Variants in CXADR observed in about 807,000 individuals in gnomAD.
CXADR encodes the protein coxsackievirus and adenovirus receptor.
In CXADR, 20 loss-of-function variants were observed where a neutral mutation model predicts 40.3. The observed-to-expected ratio is 0.50, with a 90% CI of 0.35 to 0.72. The LOEUF (loss-of-function observed/expected upper bound fraction) is 0.72, where lower values mean the gene tolerates loss of function less well. CXADR is among the 30% of genes least tolerant of loss of function. The pLI is 0.01. For missense variants in CXADR, 332 were observed against 449.1 expected (o/e 0.74, Z 2.36); for synonymous variants, 150 against 161.3 (o/e 0.93, Z 0.53).
chr21:17,583,422 A>G (rs2061374225), intron 7 of CXADR, among the ~76,000 whole-genome samples: 2 of 152,240 alleles, frequency 1.3e-5, no homozygotes, highest in Non-Finnish European at 1.5e-5. Context: ...TTAAATGTCT[A>G]TAGTAGTCAT....
In CXADR at chr21:17,539,518, G is replaced by C. The variant is rs186722413; in HGVS notation, c.44-7509G>C. 4.1e-4 allele frequency among the ~76,000 whole-genome samples: 62 copies of C among 152,132 alleles called. No homozygotes were observed. In the East Asian group the frequency reaches 0.011, roughly 28 times the overall value. ...CTCCTTCCACATTAGTCTGGATTAAGTAACTGGTATTATTCAACATTTACT... is the reference window on the plus strand; with the variant it reads ...CTCCTTCCACATTAGTCTGGATTAACTAACTGGTATTATTCAACATTTACT... On this transcript the variant is annotated intron_variant, in intron 1 of 6. Coordinates refer to ENST00000284878, the MANE Select transcript of CXADR (RefSeq NM_001338.5).
In CXADR at chr21:17,568,498, CTT is replaced by C. The variant is rs35193839; in HGVS notation, c.*2808_*2809del. 0.34 allele frequency: 327,807 copies of C among 975,196 alleles called. 56,798 individuals carry two copies. The highest frequency in any genetic ancestry group is 0.48 in the African/African-American group (27,151 of 56,300). The allele number at this position is 975,196 out of a possible 1,614,324, so 60.4% of individuals were successfully genotyped here. ...CTGAGAGACTTGATACCATCCATCT[CTT>C]TAGGTTACAGAGGATAATTTGAAGA... On this transcript the variant is annotated 3_prime_UTR_variant, in exon 7 of 7. Coordinates refer to ENST00000284878, the MANE Select transcript of CXADR (RefSeq NM_001338.5).
At chr21:17,517,230 T>G (rs2060473081) in intron 1 of CXADR, among the ~76,000 whole-genome samples, 2 of 152,318 alleles carry the variant, frequency 1.3e-5, no homozygotes, top group Admixed American at 1.3e-4. Flanking sequence ...TAAGCTTCTA[T>G]TAGACAGCAA....
intron 1 of CXADR, among the ~76,000 whole-genome samples, chr21:17,525,437 T>C (rs1412720242): frequency 6.6e-6 from 1 of 152,236 alleles, no homozygotes; most frequent in Non-Finnish European, 1.5e-5. Context: ...TCAAGGAATC[T>C]CAAGGGACAT....
At chr21:17,533,754 G>A (rs1322422220) in intron 1 of CXADR, among the ~76,000 whole-genome samples, 1 of 151,870 alleles carries the variant, frequency 6.6e-6, no homozygotes, top group Non-Finnish European at 1.5e-5. Context: ...TATTTCCTGG[G>A]GGCCTGCTTT....
chr21:17,550,084 C>T (rs1191630713), intron 2 of CXADR, among the ~76,000 whole-genome samples: 3 of 152,108 alleles, frequency 2.0e-5, no homozygotes, highest in Non-Finnish European at 4.4e-5. Flanking sequence ...TAGCTGGGCA[C>T]GGTAGCTCAT....
At chr21:17,602,813 A>G in the CXADR span, among the ~76,000 whole-genome samples, 1 of 152,250 alleles carries the variant, frequency 6.6e-6, no homozygotes, top group African/African-American at 2.4e-5. Flanking sequence ...TTTTATGTTC[A>G]GGTACTGAGA....
chr21:17,623,316 G>T, the CXADR span, among the ~76,000 whole-genome samples: 1 of 151,636 alleles, frequency 6.6e-6, no homozygotes, highest in Non-Finnish European at 1.5e-5. Flanking sequence ...TTTTTAATTC[G>T]ATTTTATTAT....
At chr21:17,603,121 TA>T in the CXADR span, among the ~76,000 whole-genome samples, 1 of 152,224 alleles carries the variant, frequency 6.6e-6, no homozygotes, top group Non-Finnish European at 1.5e-5. Context: ...GTGTGTTAAA[TA>T]GGAGCCAACT....
chr21:17,536,525 A>C (rs1273436386), intron 1 of CXADR, among the ~76,000 whole-genome samples: 2 of 151,880 alleles, frequency 1.3e-5, no homozygotes, highest in Non-Finnish European at 2.9e-5. Context: ...CTCTACTCTG[A>C]GCTCCCTCCT....
the CXADR span, chr21:17,598,598 G>A: frequency 6.2e-7 from 1 of 1,607,406 alleles, no homozygotes; most frequent in African/African-American, 1.3e-5. Context: ...CTTTAAAACT[G>A]AGCTGTTTTC....
At chr21:17,563,845 G>A (rs1469498014) in intron 6 of CXADR, among the ~76,000 whole-genome samples, 2 of 146,596 alleles carry the variant, frequency 1.4e-5, no homozygotes, top group East Asian at 4.1e-4. Flanking sequence ...GGAGGCTGAG[G>A]CAAGAGAATG....
chr21:17,526,984 G>A (rs1268189901), intron 1 of CXADR, among the ~76,000 whole-genome samples: 2 of 152,162 alleles, frequency 1.3e-5, no homozygotes, highest in African/African-American at 2.4e-5. Flanking sequence ...TGAAGGTGAT[G>A]AAAATATTCA....
intron 1 of CXADR, among the ~76,000 whole-genome samples, chr21:17,514,853 AC>A (rs1569063956): frequency 6.6e-6 from 1 of 151,834 alleles, no homozygotes; most frequent in African/African-American, 2.4e-5. Flanking sequence ...CAAACTCCCG[AC>A]CTCAGGTGAT....
intron 7 of CXADR, among the ~76,000 whole-genome samples, chr21:17,580,723 A>G (rs563641054): frequency 6.6e-6 from 1 of 152,258 alleles, no homozygotes; most frequent in Non-Finnish European, 1.5e-5. Context: ...ACTGGCATAT[A>G]CATGTATTTT....
At chr21:17,562,621 G>A (rs1490414823) in intron 6 of CXADR, among the ~76,000 whole-genome samples, 1 of 152,234 alleles carries the variant, frequency 6.6e-6, no homozygotes, top group Non-Finnish European at 1.5e-5. Context: ...GACATCTTTA[G>A]CCACTAAAGG....
chr21:17,569,857 C>A lies in CXADR; in HGVS notation c.*4165C>A, dbSNP rs2061262132. The A allele has an allele frequency of 1.0e-6, 1 of 984,602 alleles. No individual in the cohort carries two copies. 61.0% of individuals were successfully genotyped at this position (984,602 alleles called of 1,614,324 possible). On this transcript the variant is annotated 3_prime_UTR_variant, in exon 7 of 7. Transcript: ENST00000284878. Reference sequence around the variant, plus strand: ...ACCACAATTCATTGATTCACTTATTCTTTTCCCTAATTGTGAATTTTAGTG... The same window carrying A: ...ACCACAATTCATTGATTCACTTATTATTTTCCCTAATTGTGAATTTTAGTG...
chr21:17,624,209 C>CA, the CXADR span, among the ~76,000 whole-genome samples: 1 of 152,294 alleles, frequency 6.6e-6, no homozygotes, highest in African/African-American at 2.4e-5. Context: ...CTGCTATACT[C>CA]ACCTCCCATT....
chr21:17,574,325 G>T (rs575631874), downstream of CXADR, among the ~76,000 whole-genome samples: 1 of 152,142 alleles, frequency 6.6e-6, no homozygotes, highest in East Asian at 1.9e-4. Flanking sequence ...ACCCTTCTAG[G>T]AATGCTCTAT....
Sources: gnomAD v4.1 joint callset for allele counts (sites outside exome capture counted in the v4.1 genomes callset) on GRCh38, gnomAD v4.1.1 for gene constraint, MANE v1.5 for transcripts, NCBI Gene and HGNC (gene_info 2026-07-23, HGNC 2026-07-21) for gene names.